Variants in GNPTG observed in about 807,000 individuals in gnomAD.
GNPTG encodes the protein N-acetylglucosamine-1-phosphotransferase subunit gamma.
GNPTG carries 46 observed loss-of-function variants against 43.8 expected under a neutral mutation model. The ratio of observed to expected loss-of-function variants is 1.05; its 90% CI spans 0.83 to 1.34. GNPTG has a LOEUF of 1.34. Ranked by LOEUF, GNPTG falls within the 40% of genes most tolerant of loss-of-function variation. The pLI, the probability that GNPTG is intolerant of heterozygous loss-of-function variation, is 0.00. For missense variants in GNPTG, 549 were observed against 411.3 expected (o/e 1.33, Z -2.90); for synonymous variants, 250 against 172.8 (o/e 1.45, Z -3.50).
In GNPTG at chr16:1,363,550, CA is replaced by C. The variant is rs899142213; in HGVS notation, c.*460del. 3.0e-5 allele frequency: 7 copies of C among 236,860 alleles called. No homozygotes were observed. The highest frequency in any genetic ancestry group is 6.0e-5 in the Non-Finnish European group (7 of 117,482). The allele number at this position is 236,860 out of a possible 1,614,324, so 14.7% of individuals were successfully genotyped here. ...AGTTACAGACGACAGGCAACAAGAA[CA>C]TGCAGAGCCGGCCGCCAGCCAGCTC... On this transcript the variant is annotated 3_prime_UTR_variant, in exon 11 of 11. Coordinates refer to ENST00000204679, the MANE Select transcript of GNPTG (RefSeq NM_032520.5).
intron 3 of GNPTG, among the ~76,000 whole-genome samples, chr16:1,353,090 C>T (rs1375661830): frequency 6.6e-6 from 1 of 151,956 alleles, no homozygotes; most frequent in Non-Finnish European, 1.5e-5. Context: ...ATGCCTCAGC[C>T]TCCCGAGTAG....
At chr16:1,357,108 T>C (rs2034792036) in intron 3 of GNPTG, among the ~76,000 whole-genome samples, 1 of 151,932 alleles carries the variant, frequency 6.6e-6, no homozygotes, top group African/African-American at 2.4e-5. Flanking sequence ...GGACAGCAGG[T>C]GTGACAGGGC....
rs901014889 is a variant in GNPTG, at chr16:1,363,158, C to T, written c.*67C>T. 1.9e-5 allele frequency: 26 copies of T among 1,393,910 alleles called. No homozygotes were observed. Among genetic ancestry groups the T allele is most frequent in the African/African-American group, 1.3e-4 (9 of 70,368 alleles). 86.3% of individuals were successfully genotyped at this position (1,393,910 alleles called of 1,614,324 possible). Reference sequence around the variant, plus strand: ...TACAGAGAAGCTGGCTGGTAGGACCCGCAGGGACCAGCTGACCAGGCTTGT... The same window carrying T: ...TACAGAGAAGCTGGCTGGTAGGACCTGCAGGGACCAGCTGACCAGGCTTGT... On this transcript the variant is annotated 3_prime_UTR_variant, in exon 11 of 11. Transcript: ENST00000204679.
Position 1,362,754 on chromosome 16 carries a change from G to A in GNPTG, c.741+12G>A, listed in dbSNP as rs761837002. 5 of 1,614,114 alleles carry A rather than the reference G, an allele frequency of 3.1e-6. No homozygotes were observed. In the South Asian group the frequency reaches 3.3e-5, roughly 11 times the overall value. On this transcript the variant is annotated intron_variant, in intron 9 of 10. Coordinates refer to ENST00000204679, the MANE Select transcript of GNPTG (RefSeq NM_032520.5). ...AAAACTGCAGGAAGGTACCGTATTG[G>A]GGGGAGGTGGTGGCACGCAGTAGCC...
At position 1,363,294 on chromosome 16, in the gene GNPTG, A is replaced by C. The variant is rs2034980449; in HGVS notation, c.*203A>C. On this transcript the variant is annotated 3_prime_UTR_variant, in exon 11 of 11. Coordinates refer to ENST00000204679, the MANE Select transcript of GNPTG (RefSeq NM_032520.5). ...TTGCATAAATGCTATAGTGTAAAAA[A>C]ATTTAAACAAGTGTTAACTTTAAAC... 8.4e-6 allele frequency: 5 copies of C among 596,220 alleles called. No individual in the cohort carries two copies. The allele number at this position is 596,220 out of a possible 1,614,324, so 36.9% of individuals were successfully genotyped here.
rs569826327 is a variant in GNPTG at position 1,361,692 on chromosome 16, C to T, written c.179-51C>T. On this transcript the variant is annotated intron_variant, in intron 3 of 10. Coordinates refer to ENST00000204679, the MANE Select transcript of GNPTG (RefSeq NM_032520.5). The stretch of plus-strand genomic sequence containing the variant: ...TGAAAACAGACTCTGCCAGTCTTTG[C>T]AGACAGGTTCTGTGCTTGGACCCTG... The T allele has an allele frequency of 4.4e-6, 7 of 1,593,838 alleles. No homozygotes were observed. The Admixed American group carries it at 8.3e-5, about 19-fold the overall frequency.
At chr16:1,356,401 C>T (rs965694847) in intron 3 of GNPTG, among the ~76,000 whole-genome samples, 1 of 152,180 alleles carries the variant, frequency 6.6e-6, no homozygotes, top group Non-Finnish European at 1.5e-5. Context: ...GGTAGAGACT[C>T]CCGCTCAGGT....
rs746735806 is a variant in GNPTG, at chr16:1,362,550, G to C, written c.609+16G>C. 6.2e-7 allele frequency: 1 copy of C among 1,614,180 alleles called. No homozygotes were observed. The highest frequency in any genetic ancestry group is 1.1e-5 in the South Asian group (1 of 91,090). On this transcript the variant is annotated intron_variant, in intron 8 of 10. Transcript: ENST00000204679. ...CACCCCCCAGGTAAGCGTGCGCTCG[G>C]GGTGGCCCCTGGTGGGCCTGGCTGG...
chr16:1,362,613 C>G lies in GNPTG; in HGVS notation c.612C>G (p.Gly204=). 1 of 1,614,182 alleles carries G rather than the reference C, an allele frequency of 6.2e-7. No individual in the cohort carries two copies. Among genetic ancestry groups the G allele is most frequent in the Admixed American group, 1.7e-5 (1 of 60,030 alleles). The change falls in exon 9 of 11, where the codon GGC becomes GGG. Residue 204 remains glycine (G), a splice_region_variant and synonymous_variant. Transcript: ENST00000204679. ...DLADELITPQ[G]HEKLLRTLFE... is the part of the protein sequence containing the mutation. The stretch of plus-strand genomic sequence containing the variant: ...GCCCCTGCATCCTCCACCTTCAGGG[C>G]CATGAGAAGTTGCTGAGGACACTTT...
At position 1,352,015 on chromosome 16, in the gene GNPTG, G is replaced by T; in HGVS notation, c.50G>T (p.Gly17Val). Reference sequence around the variant, plus strand: ...CTGTTGCTCCTCGGGCTCTCGGCCGGCGGTGAGTGGCCCGGCCGTCCGCGT... The same window carrying T: ...CTGTTGCTCCTCGGGCTCTCGGCCGTCGGTGAGTGGCCCGGCCGTCCGCGT... ...RLLLLLGLSA[G>V]GPAPAGAAKM... Residue 17 changes from glycine to valine, a missense_variant and splice_region_variant, in exon 1 of 11, where the codon GGC becomes GTC. By Grantham distance (109) the Gly-to-Val change is moderately radical. Transcript: ENST00000204679. 1 of 1,471,398 alleles carries T rather than the reference G, an allele frequency of 6.8e-7. No homozygotes were observed. Among genetic ancestry groups the T allele is most frequent in the Non-Finnish European group, 9.0e-7 (1 of 1,116,714 alleles). The allele number at this position is 1,471,398 out of a possible 1,614,324, so 91.1% of individuals were successfully genotyped here. A position where few individuals can be genotyped will look rare whatever the true frequency, so the allele number is the denominator to read the frequency against.
At chr16:1,361,714 C>T (rs777411480) in intron 3 of GNPTG, 29 bp from the exon 4 acceptor site, 1 of 1,613,404 alleles carries the variant, frequency 6.2e-7, no homozygotes, top group Non-Finnish European at 8.5e-7. Context: ...GTGCTTGGAC[C>T]CTGGGGATCA....
In GNPTG at chr16:1,363,522, TAG is replaced by T. The variant is rs1297462280; in HGVS notation, c.*434_*435del. On this transcript the variant is annotated 3_prime_UTR_variant, in exon 11 of 11. Transcript: ENST00000204679. Reference sequence around the variant, plus strand: ...CTGTATCACGGCGAATGTCGAACACTAGAGTTACAGACGACAGGCAACAAGAA... The same window carrying T: ...CTGTATCACGGCGAATGTCGAACACTAGTTACAGACGACAGGCAACAAGAA... 1.5e-5 allele frequency: 4 copies of T among 259,948 alleles called. No homozygotes were observed. Among genetic ancestry groups the T allele is most frequent in the Non-Finnish European group, 3.1e-5 (4 of 130,930 alleles). 16.1% of individuals were successfully genotyped at this position (259,948 alleles called of 1,614,324 possible). A position where few individuals can be genotyped will look rare whatever the true frequency, so the allele number is the denominator to read the frequency against.
rs779179604 is a variant in GNPTG at position 1,362,279 on chromosome 16, C to A, written c.485C>A (p.Thr162Lys). 1.9e-6 allele frequency: 3 copies of A among 1,613,462 alleles called. No individual in the cohort carries two copies. The highest frequency in any genetic ancestry group is 1.1e-5 in the South Asian group (1 of 91,090). ...CCGAGCACCTGCGTCTACGCGCTGA[C>A]GTTCGAGACCCCCCTCGTCTGCCAC... ...SEPSTCVYAL[T>K]FETPLVCHPH... Residue 162 changes from threonine to lysine, a missense_variant, in exon 7 of 11, where the codon ACG becomes AAG. By Grantham distance (78) the Thr-to-Lys change is moderately conservative. Coordinates refer to ENST00000204679, the MANE Select transcript of GNPTG (RefSeq NM_032520.5).
chr16:1,353,190 G>A (rs1229622330), intron 3 of GNPTG, among the ~76,000 whole-genome samples: 4 of 152,086 alleles, frequency 2.6e-5, no homozygotes, highest in South Asian at 2.1e-4. Context: ...TTGACCAGGC[G>A]GGTCTCGAAC....
chr16:1,351,974 G>C lies in GNPTG; in HGVS notation c.9G>C (p.Ala3=), dbSNP rs763764801. Residue 3 remains alanine, a synonymous_variant, in exon 1 of 11, where the codon GCG becomes GCC. Coordinates refer to ENST00000204679, the MANE Select transcript of GNPTG (RefSeq NM_032520.5). MA[A]GLARLLLLLG... ...GCGGCCGCTGCGGCGCGATGGCGGC[G>C]GGGCTGGCGCGGCTCCTGTTGCTCC... 7.6e-7 allele frequency: 1 copy of C among 1,320,438 alleles called. No individual in the cohort carries two copies. Among genetic ancestry groups the C allele is most frequent in the Non-Finnish European group, 9.6e-7 (1 of 1,039,378 alleles). The allele number at this position is 1,320,438 out of a possible 1,614,324, so 81.8% of individuals were successfully genotyped here.
At chr16:1,352,647 C>T (rs1353568564) in intron 3 of GNPTG, 4 of 342,154 alleles carry the variant, frequency 1.2e-5, no homozygotes, top group Non-Finnish European at 2.2e-5. Flanking sequence ...TCATGCTGCG[C>T]GAGTATTTGG....
intron 3 of GNPTG, among the ~76,000 whole-genome samples, chr16:1,356,867 G>A (rs1476146699): frequency 2.1e-5 from 3 of 142,650 alleles, no homozygotes; most frequent in Admixed American, 6.9e-5. Flanking sequence ...GTGTGAGAGC[G>A]GGAATCTGCG....
In GNPTG at chr16:1,354,585, C is replaced by CAAAAAAAAA. The variant is rs869067502; in HGVS notation, c.178+2295_178+2303dup. On this transcript the variant is annotated intron_variant, in intron 3 of 10. Coordinates refer to ENST00000204679, the MANE Select transcript of GNPTG (RefSeq NM_032520.5). ...TGGGTGACAGAGCAAGACTTCGTCT[C>CAAAAAAAAA]AAAAAAAAAAAAAAAAAAAAAAAAC... Among the ~76,000 whole-genome samples the CAAAAAAAAA allele has an allele frequency of 3.6e-4, 16 of 44,368 alleles. 1 individual carries two copies. The South Asian group carries it at 6.3e-3, about 17-fold the overall frequency. The allele number at this position is 44,368 out of a possible 152,430, so 29.1% of individuals were successfully genotyped here. A position where few individuals can be genotyped will look rare whatever the true frequency, so the allele number is the denominator to read the frequency against.
intron 2 of GNPTG, 35 bp downstream of exon 2, chr16:1,352,194 G>A (rs1312247723): frequency 1.0e-5 from 16 of 1,553,962 alleles, no homozygotes; most frequent in Non-Finnish European, 1.3e-5. Context: ...CTCGAGCGGG[G>A]GACGGCCCGG....
Sources: gnomAD v4.1 joint callset for allele counts (sites outside exome capture counted in the v4.1 genomes callset) on GRCh38, gnomAD v4.1.1 for gene constraint, MANE v1.5 for transcripts, NCBI Gene and HGNC (gene_info 2026-07-23, HGNC 2026-07-21) for gene names.